The following FSTL4 variants were observed in gnomAD, a reference collection of about 807,000 sequenced individuals.
The protein encoded by FSTL4 is follistatin-related protein 4.
Under a neutral mutation model 78.2 loss-of-function variants are expected in FSTL4, and 28 were observed. The observed-to-expected ratio is 0.36, with a 90% confidence interval of 0.27 to 0.49. The LOEUF is 0.49. Among genes scored for constraint, FSTL4 ranks in the 20% least tolerant of loss-of-function variants. The pLI, the probability that FSTL4 is intolerant of heterozygous loss-of-function variation, is 0.98. For synonymous variants in FSTL4, 422 were observed against 440.5 expected (o/e 0.96, Z 0.53); for missense variants, 922 against 1,084.9 (o/e 0.85, Z 2.11).
chr5:133,368,480 C>T (rs532616590), intron 4 of FSTL4, among the ~76,000 whole-genome samples: 30 of 152,356 alleles, frequency 2.0e-4, no homozygotes, highest in African/African-American at 6.7e-4. Flanking sequence ...TGTAATAAAC[C>T]ATAACCATGA....
intron 4 of FSTL4, among the ~76,000 whole-genome samples, chr5:133,399,001 C>T (rs551180811): frequency 6.6e-6 from 1 of 152,336 alleles, no homozygotes; most frequent in East Asian, 1.9e-4. Context: ...CCCCGCTCCA[C>T]GCCAGCTTGT....
At chr5:133,376,888 C>CAA (rs56667792) in intron 4 of FSTL4, among the ~76,000 whole-genome samples, 16,469 of 127,322 alleles carry the variant, frequency 0.13, 1,359 homozygotes, top group East Asian at 0.38. Flanking sequence ...GAGTCTGTCT[C>CAA]AAAAAAAAAA....
At chr5:133,699,633 G>A in the FSTL4 span, among the ~76,000 whole-genome samples, 2 of 152,152 alleles carry the variant, frequency 1.3e-5, no homozygotes, top group Non-Finnish European at 1.5e-5. Flanking sequence ...TGTAATCCCA[G>A]CACTTTGGGA....
At chr5:133,535,515 G>A (rs1249048851) in intron 3 of FSTL4, among the ~76,000 whole-genome samples, 2 of 152,158 alleles carry the variant, frequency 1.3e-5, no homozygotes, top group Non-Finnish European at 2.9e-5. Flanking sequence ...TTCCCTTAAG[G>A]GATACTTTTA....
chr5:133,434,818 ATAT>A (rs1757006097), intron 3 of FSTL4, among the ~76,000 whole-genome samples: 1 of 142,752 alleles, frequency 7.0e-6, no homozygotes. Context: ...GGCCAAAAAT[ATAT>A]TGTTAACTGT....
intron 11 of FSTL4, among the ~76,000 whole-genome samples, chr5:133,221,774 G>A (rs1481277156): frequency 1.3e-5 from 2 of 151,240 alleles, no homozygotes; most frequent in Admixed American, 6.6e-5. Context: ...GTCTCCTCCC[G>A]ACTCTGTCTC....
the FSTL4 span, among the ~76,000 whole-genome samples, chr5:133,670,551 C>T: frequency 3.9e-3 from 590 of 152,272 alleles, 2 homozygotes; most frequent in African/African-American, 0.014. Flanking sequence ...ACATTTCCAC[C>T]CTGTGGGATT....
At chr5:133,372,245 C>CTATGTATCTATATATG (rs757202475) in intron 4 of FSTL4, among the ~76,000 whole-genome samples, 2 of 140,122 alleles carry the variant, frequency 1.4e-5, no homozygotes, top group Non-Finnish European at 3.1e-5. Context: ...ATCTATGTAT[C>CTATGTATCTATATATG]TATGTATGTA....
At chr5:133,376,016 T>C (rs1359252988) in intron 4 of FSTL4, among the ~76,000 whole-genome samples, 1 of 152,212 alleles carries the variant, frequency 6.6e-6, no homozygotes, top group Admixed American at 6.5e-5. Context: ...ATAGACTCAA[T>C]GCGATACAAA....
At chr5:133,630,255 C>T in the FSTL4 span, among the ~76,000 whole-genome samples, 1 of 152,264 alleles carries the variant, frequency 6.6e-6, no homozygotes, top group Non-Finnish European at 1.5e-5. Context: ...ATGCCATTGT[C>T]TCAGCCCAAA....
At chr5:133,748,691 C>T in the FSTL4 span, among the ~76,000 whole-genome samples, 1 of 152,208 alleles carries the variant, frequency 6.6e-6, no homozygotes, top group Non-Finnish European at 1.5e-5. Flanking sequence ...GAGGTTTTTG[C>T]TCTCGGCTGG....
intron 6 of FSTL4, among the ~76,000 whole-genome samples, chr5:133,253,247 C>T (rs17166462): frequency 0.06 from 9,061 of 152,186 alleles, 322 homozygotes; most frequent in Middle Eastern, 0.11. Flanking sequence ...AAGTGGCTTC[C>T]CAGGGTGACT....
chr5:133,795,938 T>C, the FSTL4 span, among the ~76,000 whole-genome samples: 53 of 152,282 alleles, frequency 3.5e-4, no homozygotes, highest in Admixed American at 4.6e-4. Flanking sequence ...CCACGGGGTC[T>C]CCCAAGCCCT....
At chr5:133,693,468 G>T in the FSTL4 span, among the ~76,000 whole-genome samples, 2 of 152,102 alleles carry the variant, frequency 1.3e-5, no homozygotes. Context: ...CCACCCAGAG[G>T]GAAGGAGCGA....
the FSTL4 span, among the ~76,000 whole-genome samples, chr5:133,689,492 G>T: frequency 6.6e-6 from 1 of 152,224 alleles, no homozygotes; most frequent in Non-Finnish European, 1.5e-5. Context: ...AGGTACAGTA[G>T]TGGGTATATG....
chr5:133,657,660 A>G, the FSTL4 span, among the ~76,000 whole-genome samples: 33 of 152,004 alleles, frequency 2.2e-4, no homozygotes, highest in African/African-American at 8.0e-4. Flanking sequence ...GTTGTTTTAC[A>G]TGTTTATATA....
chr5:133,769,865 C>A, the FSTL4 span, among the ~76,000 whole-genome samples: 3,690 of 152,204 alleles, frequency 0.024, 113 homozygotes, highest in African/African-American at 0.076. Flanking sequence ...AACTTTCCCA[C>A]CTTTTGTAGC....
chr5:133,231,536 C>A (rs1407553571), intron 8 of FSTL4, among the ~76,000 whole-genome samples: 1 of 152,166 alleles, frequency 6.6e-6, no homozygotes, highest in Non-Finnish European at 1.5e-5. Context: ...ATCCTAGGCA[C>A]ACACATTCAT....
At chr5:133,286,494 G>T (rs560187147) in intron 6 of FSTL4, among the ~76,000 whole-genome samples, 1 of 152,066 alleles carries the variant, frequency 6.6e-6, no homozygotes, top group Non-Finnish European at 1.5e-5. Flanking sequence ...CAAGTTAATC[G>T]CCTCTTCAAT....
Sources: gnomAD v4.1 joint callset for allele counts (sites outside exome capture counted in the v4.1 genomes callset) on GRCh38, gnomAD v4.1.1 for gene constraint, MANE v1.5 for transcripts, NCBI Gene and HGNC (gene_info 2026-07-23, HGNC 2026-07-21) for gene names.